Variants in CSMD1 observed in about 807,000 individuals in gnomAD.
CSMD1 encodes the protein CUB and Sushi multiple domains 1, also known as CUB and sushi domain-containing protein 1.
In CSMD1, 213 loss-of-function variants were observed where a neutral mutation model predicts 417.5. The ratio of observed to expected loss-of-function variants is 0.51; its 90% confidence interval spans 0.46 to 0.57. The LOEUF (loss-of-function observed/expected upper bound fraction) is 0.57, where lower values mean the gene tolerates loss of function less well. CSMD1 is among the 20% of genes least tolerant of loss of function. The probability of loss-of-function intolerance (pLI) is 0.00; values close to 1 mark genes in which losing one functional copy is unlikely to be tolerated. For missense variants in CSMD1, 6,923 were observed against 4,529.7 expected, an observed-to-expected ratio of 1.53 and a Z score of -15.17; for synonymous variants, 2,862 against 1,736.8, an observed-to-expected ratio of 1.65 and a Z score of -16.11.
At chr8:3,917,675 A>C (rs927172057) in intron 5 of CSMD1, among the ~76,000 whole-genome samples, 18 of 152,132 alleles carry the variant, frequency 1.2e-4, no homozygotes, top group Non-Finnish European at 1.6e-4. Flanking sequence ...AGTTGTACAC[A>C]TGTAATGCCA....
intron 3 of CSMD1, among the ~76,000 whole-genome samples, chr8:4,402,492 C>G (rs558031776): frequency 7.2e-5 from 11 of 152,124 alleles, no homozygotes; most frequent in African/African-American, 9.7e-5. Flanking sequence ...CATGACCACT[C>G]CTCTCCCAAG....
At chr8:3,834,552 G>T (rs925064631) in intron 5 of CSMD1, among the ~76,000 whole-genome samples, 1 of 152,188 alleles carries the variant, frequency 6.6e-6, no homozygotes, top group Non-Finnish European at 1.5e-5. Flanking sequence ...AAAACTGGCT[G>T]ATTTAAATGT....
chr8:3,642,808 C>T (rs1234499822), intron 7 of CSMD1, among the ~76,000 whole-genome samples: 2 of 151,752 alleles, frequency 1.3e-5, no homozygotes, highest in Non-Finnish European at 2.9e-5. Flanking sequence ...TCCAGTAGAA[C>T]CCCCAGAGAT....
At position 3,949,967 on chromosome 8, in the gene CSMD1, C is replaced by T. The variant is rs765878003; in HGVS notation, c.818+47936G>A. The T allele has an allele frequency of 6.4e-5, 29 of 455,784 alleles. 1 individual carries two copies. The highest frequency in any genetic ancestry group is 3.9e-4 in the South Asian group (25 of 64,558). 28.2% of individuals were successfully genotyped at this position (455,784 alleles called of 1,614,324 possible). On this transcript the variant is annotated intron_variant, in intron 5 of 69. Transcript: ENST00000635120. ...GGAGAGGTTCATGCCAGCAGAGCGA[C>T]GTGTCTCCAGGCTTGCATGAAATTA...
chr8:3,721,154 G>T (rs11136654), intron 6 of CSMD1, among the ~76,000 whole-genome samples: 115,021 of 151,804 alleles, frequency 0.76, 44,533 homozygotes, highest in Middle Eastern at 0.87. Context: ...GGAAGATCAG[G>T]TGGTCCTGAA....
At chr8:4,129,905 C>A (rs192000612) in intron 3 of CSMD1, among the ~76,000 whole-genome samples, 1 of 152,066 alleles carries the variant, frequency 6.6e-6, no homozygotes, top group African/African-American at 2.4e-5. Context: ...TATCCTTTTA[C>A]TTCTCAGGTA....
chr8:3,178,085 T>C (rs1821055658), intron 37 of CSMD1, among the ~76,000 whole-genome samples: 1 of 152,208 alleles, frequency 6.6e-6, no homozygotes, highest in Non-Finnish European at 1.5e-5. Flanking sequence ...AGAATCTAGG[T>C]CATATACATT....
At chr8:4,555,337 G>A (rs755500559) in intron 2 of CSMD1, among the ~76,000 whole-genome samples, 6 of 152,100 alleles carry the variant, frequency 3.9e-5, no homozygotes, top group Non-Finnish European at 7.3e-5. Context: ...AAAAACAAAT[G>A]GACCTGGCAA....
intron 50 of CSMD1, among the ~76,000 whole-genome samples, chr8:3,033,987 C>A (rs926475308): frequency 6.6e-6 from 1 of 152,128 alleles, no homozygotes; most frequent in African/African-American, 2.4e-5. Flanking sequence ...AGTCAGACCA[C>A]CCCCTAGTCG....
At chr8:3,097,946 G>A (rs569810364) in intron 46 of CSMD1, among the ~76,000 whole-genome samples, 7 of 152,238 alleles carry the variant, frequency 4.6e-5, no homozygotes, top group South Asian at 2.1e-4. Flanking sequence ...TGGATACATC[G>A]TATCTTTTCT....
At chr8:4,565,097 C>G (rs1563291183) in intron 2 of CSMD1, among the ~76,000 whole-genome samples, 1 of 152,304 alleles carries the variant, frequency 6.6e-6, no homozygotes, top group East Asian at 1.9e-4. Context: ...GTGCTTTCTA[C>G]CCAAGAATCT....
At chr8:4,489,079 T>G (rs931564901) in intron 2 of CSMD1, among the ~76,000 whole-genome samples, 2 of 152,018 alleles carry the variant, frequency 1.3e-5, no homozygotes, top group African/African-American at 2.4e-5. Flanking sequence ...CACAGCTAAT[T>G]TTTTGTATTT....
intron 5 of CSMD1, chr8:3,949,947 G>A (rs756086429): frequency 4.4e-5 from 20 of 455,870 alleles, no homozygotes; most frequent in Non-Finnish European, 7.9e-5. Flanking sequence ...CACATGGAGA[G>A]GTTCATGCCA....
chr8:3,660,825 T>C (rs1420336676), intron 7 of CSMD1, among the ~76,000 whole-genome samples: 2 of 152,024 alleles, frequency 1.3e-5, no homozygotes, highest in Admixed American at 6.6e-5. Flanking sequence ...CCGACTGACT[T>C]TTTCTTAACT....
chr8:4,136,373 G>A (rs538532057), intron 3 of CSMD1, among the ~76,000 whole-genome samples: 225 of 152,238 alleles, frequency 1.5e-3, no homozygotes, highest in African/African-American at 5.3e-3. Flanking sequence ...AAATGAAGCT[G>A]CCTGCCTGCA....
chr8:4,270,108 T>C (rs1409038859), intron 3 of CSMD1, among the ~76,000 whole-genome samples: 1 of 152,166 alleles, frequency 6.6e-6, no homozygotes, highest in Admixed American at 6.5e-5. Context: ...TTCAGCAATC[T>C]CTTTCTGAGA....
At chr8:4,745,134 C>A (rs1810869887) in intron 1 of CSMD1, among the ~76,000 whole-genome samples, 1 of 152,062 alleles carries the variant, frequency 6.6e-6, no homozygotes, top group Non-Finnish European at 1.5e-5. Flanking sequence ...AAATCAAATT[C>A]ATACTTTTAA....
intron 1 of CSMD1, among the ~76,000 whole-genome samples, chr8:4,791,233 C>T (rs1223446996): frequency 2.7e-5 from 4 of 149,532 alleles, no homozygotes; most frequent in Admixed American, 1.3e-4. Flanking sequence ...GCAGAAGGAA[C>T]GTGCCTGGGG....
In CSMD1 at chr8:3,383,423, C is replaced by T. The variant is rs190047301; in HGVS notation, c.2782+4071G>A. Among the ~76,000 whole-genome samples the T allele has an allele frequency of 2.6e-3, 399 of 151,450 alleles. 1 individual carries two copies. Among genetic ancestry groups the T allele is most frequent in the African/African-American group, 9.2e-3 (380 of 41,178 alleles). On this transcript the variant is annotated intron_variant, in intron 18 of 69. Transcript: ENST00000635120. ...GAAGCCTTCTTCCACACTAGAAAAA[C>T]CTCATGCATGGAGGGAAGCCTTCTT... is the stretch of plus-strand genomic sequence containing the variant.
Sources: allele counts gnomAD v4.1 joint callset (sites outside exome capture counted in the v4.1 genomes callset), GRCh38; gene constraint gnomAD v4.1.1; transcripts MANE v1.5; gene names NCBI Gene and HGNC (gene_info 2026-07-23, HGNC 2026-07-21).